CLIC5: variants seen among roughly 807,000 people sequenced by gnomAD.
The protein encoded by CLIC5 is chloride intracellular channel protein 5.
CLIC5 carries 20 observed loss-of-function variants against 24.7 expected under a neutral mutation model. The observed-to-expected ratio is 0.81, with a 90% CI of 0.57 to 1.18. The LOEUF is 1.18. Ranked by LOEUF, CLIC5 falls within the 50% of genes most tolerant of loss-of-function variation. CLIC5 has a pLI of 0.00. For synonymous variants in CLIC5, 159 were observed against 135.6 expected, an observed-to-expected ratio of 1.17 and a Z score of -1.20; for missense variants, 341 against 326.1, an observed-to-expected ratio of 1.05 and a Z score of -0.35.
intron 1 of CLIC5, among the ~76,000 whole-genome samples, chr6:45,971,133 C>T (rs1296950020): frequency 6.6e-6 from 1 of 152,154 alleles, no homozygotes; most frequent in Non-Finnish European, 1.5e-5. Flanking sequence ...TTCAAATTCA[C>T]AAGCACAAAA....
chr6:45,900,890 A>G lies in CLIC5; in HGVS notation c.*2198T>C, dbSNP rs1480161135. The G allele has an allele frequency of 6.6e-6, 1 of 152,124 alleles. No homozygotes were observed. Among genetic ancestry groups the G allele is most frequent in the Non-Finnish European group, 1.5e-5 (1 of 68,028 alleles). 9.4% of individuals were successfully genotyped at this position (152,124 alleles called of 1,614,324 possible). On this transcript the variant is annotated 3_prime_UTR_variant, in exon 6 of 6. Transcript: ENST00000339561. ...CCAGTTGCTGAATTCTGAACATCCAATCCGAGTCCTTGGAATTCTGCAGAC... is the reference window on the plus strand; with the variant it reads ...CCAGTTGCTGAATTCTGAACATCCAGTCCGAGTCCTTGGAATTCTGCAGAC...
chr6:45,927,553 C>T (rs926148421), intron 4 of CLIC5, among the ~76,000 whole-genome samples: 15 of 152,176 alleles, frequency 9.9e-5, no homozygotes, highest in Middle Eastern at 3.2e-3. Flanking sequence ...TATCTTGCCT[C>T]CCCCCTTCTA....
At chr6:46,119,110 G>C in the CLIC5 span, among the ~76,000 whole-genome samples, 1 of 152,326 alleles carries the variant, frequency 6.6e-6, no homozygotes, top group Middle Eastern at 3.4e-3. Context: ...CAGAAGGAAT[G>C]TAGCCCTGCT....
At chr6:45,917,905 T>A (rs3777542) in intron 4 of CLIC5, among the ~76,000 whole-genome samples, 107,727 of 152,146 alleles carry the variant, frequency 0.71, 38,214 homozygotes, top group Admixed American at 0.71. Flanking sequence ...AAATATTTGA[T>A]ATCCTCACTC....
chr6:46,002,923 A>G (rs1581848373), intron 1 of CLIC5, among the ~76,000 whole-genome samples: 2 of 152,216 alleles, frequency 1.3e-5, no homozygotes, highest in South Asian at 4.1e-4. Context: ...GCCATTGGGA[A>G]AATGCCTTCT....
At chr6:45,915,613 T>C (rs1004808731) in intron 4 of CLIC5, among the ~76,000 whole-genome samples, 2 of 152,202 alleles carry the variant, frequency 1.3e-5, no homozygotes, top group Non-Finnish European at 2.9e-5. Context: ...CAGAAAGCTG[T>C]CATGATTATG....
intron 4 of CLIC5, among the ~76,000 whole-genome samples, chr6:45,919,526 C>T (rs1275256263): frequency 6.6e-6 from 1 of 152,020 alleles, no homozygotes; most frequent in African/African-American, 2.4e-5. Context: ...ATCCCCAACT[C>T]CCCTGTGCTA....
intron 1 of CLIC5, among the ~76,000 whole-genome samples, chr6:46,076,513 T>C (rs1295503434): frequency 1.3e-5 from 2 of 152,068 alleles, no homozygotes; most frequent in East Asian, 3.9e-4. Flanking sequence ...GAAGAGGTGA[T>C]GTGATGTGGG....
intron 4 of CLIC5, among the ~76,000 whole-genome samples, chr6:45,936,793 G>T (rs1028229107): frequency 6.6e-6 from 1 of 152,132 alleles, no homozygotes; most frequent in Non-Finnish European, 1.5e-5. Context: ...AAAACCAGGC[G>T]TGTGGGTGAG....
chr6:45,915,600 G>T lies in CLIC5; in HGVS notation c.407-1191C>A, dbSNP rs116740961. On this transcript the variant is annotated intron_variant, in intron 4 of 5. Coordinates refer to ENST00000339561, the MANE Select transcript of CLIC5 (RefSeq NM_016929.5). Reference sequence around the variant, plus strand: ...CACCACAAATGTGCAACCCCCAGCTGCACAGAAAGCTGTCATGATTATGAC... The same window carrying T: ...CACCACAAATGTGCAACCCCCAGCTTCACAGAAAGCTGTCATGATTATGAC... Among the ~76,000 whole-genome samples, 464 of 152,282 alleles carry T rather than the reference G, an allele frequency of 3.0e-3. 2 individuals carry two copies. The highest frequency in any genetic ancestry group is 9.3e-3 in the African/African-American group (388 of 41,568).
At chr6:45,949,098 T>G (rs1764381401) in intron 3 of CLIC5, among the ~76,000 whole-genome samples, 158 bp downstream of exon 3, 1 of 152,064 alleles carries the variant, frequency 6.6e-6, no homozygotes, top group African/African-American at 2.4e-5. Flanking sequence ...TTGGCAGCCC[T>G]TTGGGGGTCC....
At chr6:46,035,406 GT>G (rs1767631530) in intron 1 of CLIC5, among the ~76,000 whole-genome samples, 1 of 152,128 alleles carries the variant, frequency 6.6e-6, no homozygotes, top group African/African-American at 2.4e-5. Flanking sequence ...CAAATATATT[GT>G]TTAATGACTC....
At chr6:45,942,242 AC>A (rs1365504712) in intron 3 of CLIC5, among the ~76,000 whole-genome samples, 1 of 152,188 alleles carries the variant, frequency 6.6e-6, no homozygotes, top group African/African-American at 2.4e-5. Context: ...CCAAAAAAGG[AC>A]ATGTGTTTTC....
chr6:46,018,731 T>A (rs1370199872), upstream of CLIC5: 4 of 152,344 alleles, frequency 2.6e-5, no homozygotes, highest in East Asian at 7.7e-4. Flanking sequence ...GAAAGTACTT[T>A]AAAAACACAT....
the CLIC5 span, among the ~76,000 whole-genome samples, chr6:46,085,544 G>A: frequency 6.6e-6 from 1 of 152,154 alleles, no homozygotes; most frequent in African/African-American, 2.4e-5. Context: ...GTCCACTCCA[G>A]ACCCTGTTTG....
At chr6:46,082,920 G>A (rs554754810), upstream of CLIC5, among the ~76,000 whole-genome samples, 42 of 152,120 alleles carry the variant, frequency 2.8e-4, no homozygotes, top group South Asian at 5.8e-3. Context: ...CCTATATGGC[G>A]GCGAATCTCT....
chr6:46,059,832 T>C lies in CLIC5; in HGVS notation c.540+19871A>G, dbSNP rs183849911. ...AGTGGAAGTATAATAATCACCCCTC[T>C]CACATAAGAACAGGATTGCCTGAGT... On this transcript the variant is annotated intron_variant, in intron 1 of 5. Transcript: ENST00000185206. Among the ~76,000 whole-genome samples, 489 of 152,230 alleles carry C rather than the reference T, an allele frequency of 3.2e-3. 1 individual carries two copies. The highest frequency in any genetic ancestry group is 0.011 in the African/African-American group (467 of 41,532).
rs111789260 is a variant in CLIC5 at position 45,903,461 on chromosome 6, C to T, written c.589-206G>A. On this transcript the variant is annotated intron_variant, in intron 5 of 5. Transcript: ENST00000339561. ...TAATTTCTTAAGTAAACATAATTTG[C>T]CCTTTGACCTAGTGTGTCAAATTCT... is the stretch of plus-strand genomic sequence containing the variant. 6.7e-3 allele frequency among the ~76,000 whole-genome samples: 1,019 copies of T among 152,218 alleles called. 9 individuals are homozygous for T. The highest frequency in any genetic ancestry group is 0.023 in the African/African-American group (944 of 41,526).
rs1441251741 is a variant in CLIC5, at chr6:46,051,510, C to T, written c.540+28193G>A. Among the ~76,000 whole-genome samples the T allele has an allele frequency of 4.6e-5, 7 of 152,096 alleles. No homozygotes were observed. In the South Asian group the frequency reaches 6.2e-4, roughly 14 times the overall value. ...TTAGCTCTACGTGCAATCCATAAGA[C>T]GGTTAGGGTTTCTCTCCTTTTTTTT... On this transcript the variant is annotated intron_variant, in intron 1 of 5. Transcript: ENST00000185206.
Sources: gnomAD v4.1 joint callset for allele counts (sites outside exome capture counted in the v4.1 genomes callset) on GRCh38, gnomAD v4.1.1 for gene constraint, MANE v1.5 for transcripts, NCBI Gene and HGNC (gene_info 2026-07-23, HGNC 2026-07-21) for gene names.